Variants in LEKR1 observed in about 807,000 individuals in gnomAD.
The protein encoded by LEKR1 is protein LEKR1.
LEKR1 carries 59 observed loss-of-function variants against 72.4 expected under a neutral mutation model. The observed-to-expected ratio is 0.82, with a 90% CI of 0.66 to 1.01. The LOEUF (loss-of-function observed/expected upper bound fraction) is 1.01, where lower values mean the gene tolerates loss of function less well. LEKR1 is among the 50% of genes least tolerant of loss of function. The pLI is 0.00. For missense variants in LEKR1, 728 were observed against 759.2 expected, an observed-to-expected ratio of 0.96 and a Z score of 0.48; for synonymous variants, 257 against 263.2, an observed-to-expected ratio of 0.98 and a Z score of 0.23.
At chr3:156,936,008 G>T (rs1413621988) in intron 5 of LEKR1, among the ~76,000 whole-genome samples, 1 of 152,118 alleles carries the variant, frequency 6.6e-6, no homozygotes, top group African/African-American at 2.4e-5. Context: ...TGATGAGGAC[G>T]ATGTGAATTA....
chr3:156,915,713 C>T (rs1723569905), intron 3 of LEKR1, among the ~76,000 whole-genome samples: 1 of 151,938 alleles, frequency 6.6e-6, no homozygotes, highest in South Asian at 2.1e-4. Flanking sequence ...TGTAGGTTGT[C>T]TGTTTACTCT....
rs767301330 is a variant in LEKR1, at chr3:157,028,144, G to A, written c.1410G>A (p.Gln470=). ...CAGGCGCTACAAGAGATCTAAGGCA[G>A]GAAGTGACCACTCTTAAAGAAAAAC... ...LITGATRDLR[Q]EVTTLKEKLH... The change falls in exon 12 of 13, where the codon CAG becomes CAA. Residue 470 remains glutamine, a synonymous_variant. Coordinates refer to ENST00000356539, the MANE Select transcript of LEKR1 (RefSeq NM_001004316.3). 6.2e-7 allele frequency: 1 copy of A among 1,607,292 alleles called. No individual in the cohort carries two copies. The highest frequency in any genetic ancestry group is 8.5e-7 in the Non-Finnish European group (1 of 1,176,274).
intron 3 of LEKR1, among the ~76,000 whole-genome samples, chr3:156,904,699 A>G (rs1285822515): frequency 1.3e-5 from 2 of 151,196 alleles, no homozygotes; most frequent in East Asian, 1.9e-4. Context: ...GGGTCTCGCT[A>G]TGTTGCCCAG....
chr3:156,911,515 C>A, intron 3 of LEKR1, among the ~76,000 whole-genome samples: 1 of 151,870 alleles, frequency 6.6e-6, no homozygotes, highest in African/African-American at 2.4e-5. Flanking sequence ...TAGTTAGGTC[C>A]CTTTATCAAT....
chr3:156,979,144 C>A, intron 6 of LEKR1, 50 bp from the exon 7 acceptor site: 2 of 807,686 alleles, frequency 2.5e-6, no homozygotes, highest in Non-Finnish European at 3.6e-6. Flanking sequence ...ATGAAAATAT[C>A]TGGACACTTA....
intron 6 of LEKR1, among the ~76,000 whole-genome samples, chr3:156,953,834 T>C (rs1727386253): frequency 6.6e-6 from 1 of 151,970 alleles, no homozygotes; most frequent in Non-Finnish European, 1.5e-5. Context: ...AACATATGCA[T>C]GCTTGTATTT....
intron 2 of LEKR1, among the ~76,000 whole-genome samples, chr3:156,834,427 A>G (rs1712843860): frequency 6.6e-6 from 1 of 152,184 alleles, no homozygotes; most frequent in South Asian, 2.1e-4. Context: ...AAAAATCTCC[A>G]AACTCAACGT....
chr3:156,937,739 CATAAT>C (rs1298331694), intron 5 of LEKR1, among the ~76,000 whole-genome samples: 2 of 152,180 alleles, frequency 1.3e-5, no homozygotes, highest in African/African-American at 4.8e-5. Flanking sequence ...CGGCTGTAGT[CATAAT>C]AGCCCCAAAT....
rs904795821 is a variant in LEKR1 at position 157,028,365 on chromosome 3, C to T, written c.1631C>T (p.Thr544Ile). The T allele has an allele frequency of 8.7e-6, 14 of 1,610,858 alleles. No homozygotes were observed. The highest frequency in any genetic ancestry group is 8.5e-7 in the Non-Finnish European group (1 of 1,178,582). The change falls in exon 12 of 13, where the codon ACA becomes ATA. Residue 544 changes from threonine to isoleucine, a missense_variant. Coordinates refer to ENST00000356539, the MANE Select transcript of LEKR1 (RefSeq NM_001004316.3). ...CTGAAAAGAGTAATGCTGGCTCAAACACAACTGATAGAGCAATTTAACCAG... is the reference window on the plus strand; with the variant it reads ...CTGAAAAGAGTAATGCTGGCTCAAATACAACTGATAGAGCAATTTAACCAG... ...DELKRVMLAQ[T>I]QLIEQFNQSQ...
chr3:156,912,051 AT>A lies in LEKR1; in HGVS notation c.264-8520del, dbSNP rs548464039. Among the ~76,000 whole-genome samples, 475 of 151,612 alleles carry A rather than the reference AT, an allele frequency of 3.1e-3. 2 individuals carry two copies. The highest frequency in any genetic ancestry group is 0.011 in the African/African-American group (450 of 41,380). On this transcript the variant is annotated intron_variant, in intron 3 of 12. Coordinates refer to ENST00000356539, the MANE Select transcript of LEKR1 (RefSeq NM_001004316.3). ...TTTTCATTTTTTGATACATTGATAT[AT>A]TTTGTTAAATTGCTTTCCTGAAATG...
intron 3 of LEKR1, among the ~76,000 whole-genome samples, chr3:156,859,528 C>T (rs920257222): frequency 6.6e-6 from 1 of 152,162 alleles, no homozygotes; most frequent in Admixed American, 6.5e-5. Context: ...CACACTCACA[C>T]AGCCTCCTCT....
At chr3:157,003,548 G>T (rs188617716) in intron 9 of LEKR1, among the ~76,000 whole-genome samples, 1 of 152,248 alleles carries the variant, frequency 6.6e-6, no homozygotes, top group Admixed American at 6.5e-5. Context: ...GTTACAAGTT[G>T]TCAGCATTCC....
chr3:156,925,212 G>T (rs1447890455), intron 4 of LEKR1: 1 of 151,658 alleles, frequency 6.6e-6, no homozygotes, highest in Non-Finnish European at 1.5e-5. Flanking sequence ...CTTGGGGATT[G>T]GTCATTGTTA....
At chr3:156,890,899 G>A (rs182816861) in intron 3 of LEKR1, among the ~76,000 whole-genome samples, 81 of 144,032 alleles carry the variant, frequency 5.6e-4, no homozygotes, top group African/African-American at 1.7e-3. Context: ...TCACTCTGTC[G>A]CCCAGGCTGG....
At chr3:156,831,925 A>G (rs574293774) in intron 2 of LEKR1, among the ~76,000 whole-genome samples, 1 of 152,228 alleles carries the variant, frequency 6.6e-6, no homozygotes, top group South Asian at 2.1e-4. Flanking sequence ...TTGCAAAGAC[A>G]GTTTTAATCC....
chr3:156,891,666 A>G (rs2019134985), intron 3 of LEKR1, among the ~76,000 whole-genome samples: 1 of 152,098 alleles, frequency 6.6e-6, no homozygotes, highest in South Asian at 2.1e-4. Context: ...TGGGCCCTGG[A>G]GTTATAACCA....
At chr3:156,851,765 A>G (rs979248303) in intron 2 of LEKR1, among the ~76,000 whole-genome samples, 8 of 152,124 alleles carry the variant, frequency 5.3e-5, no homozygotes, top group Admixed American at 1.3e-4. Flanking sequence ...AACAGTTTCT[A>G]TAGTTTCAAG....
At chr3:156,981,711 G>C (rs1323777138) in intron 7 of LEKR1, among the ~76,000 whole-genome samples, 1 of 152,210 alleles carries the variant, frequency 6.6e-6, no homozygotes, top group South Asian at 2.1e-4. Flanking sequence ...TAAAGCCTCA[G>C]GTTGCTCAGA....
intron 6 of LEKR1, among the ~76,000 whole-genome samples, chr3:156,949,636 A>G (rs538041055): frequency 6.6e-6 from 1 of 151,150 alleles, no homozygotes; most frequent in South Asian, 2.1e-4. Flanking sequence ...CAAAATGGGT[A>G]TAATAACAGT....
Sources: allele counts gnomAD v4.1 joint callset (sites outside exome capture counted in the v4.1 genomes callset), GRCh38; gene constraint gnomAD v4.1.1; transcripts MANE v1.5; gene names NCBI Gene and HGNC (gene_info 2026-07-23, HGNC 2026-07-21).